DLGAP1: variants seen among roughly 807,000 people sequenced by gnomAD.
DLGAP1 encodes DLG associated protein 1.
Under a neutral mutation model 90.8 loss-of-function variants are expected in DLGAP1, and 11 were observed. The ratio of observed to expected loss-of-function variants is 0.12; its 90% CI spans 0.08 to 0.20. The LOEUF (loss-of-function observed/expected upper bound fraction) is 0.20, where lower values mean the gene tolerates loss of function less well. Among genes scored for constraint, DLGAP1 ranks in the 10% least tolerant of loss-of-function variants. The pLI is 1.00. For synonymous variants in DLGAP1, 558 were observed against 540.7 expected (o/e 1.03, Z -0.44); for missense variants, 1,050 against 1,333.8 (o/e 0.79, Z 3.31).
chr18:4,327,883 G>T (rs75684150), intron 1 of DLGAP1, among the ~76,000 whole-genome samples: 3,615 of 151,918 alleles, frequency 0.024, 148 homozygotes, highest in African/African-American at 0.083. Flanking sequence ...ATACCATGCC[G>T]ACATGTGTCA....
At chr18:4,384,845 T>C (rs2082198313) in intron 1 of DLGAP1, among the ~76,000 whole-genome samples, 1 of 152,130 alleles carries the variant, frequency 6.6e-6, no homozygotes, top group Non-Finnish European at 1.5e-5. Context: ...AACCCCAAAT[T>C]TTCCATTAAC....
Position 3,695,475 on chromosome 18 carries a change from CTTGT to C in DLGAP1, c.1591+33656_1591+33659del, listed in dbSNP as rs1401891701. On this transcript the variant is annotated intron_variant, in intron 7 of 12. Coordinates refer to ENST00000315677, the MANE Select transcript of DLGAP1 (RefSeq NM_004746.4). Reference sequence around the variant, plus strand: ...TAAACAGGGAATCCTTTCCCCATTGCTTGTTTTTGTCAGGTTTGTCAAAGATCAG... The same window carrying C: ...TAAACAGGGAATCCTTTCCCCATTGCTTTTGTCAGGTTTGTCAAAGATCAG... Among the ~76,000 whole-genome samples, 3 of 152,302 alleles carry C rather than the reference CTTGT, an allele frequency of 2.0e-5. No individual in the cohort carries two copies. The South Asian group carries it at 6.2e-4, about 32-fold the overall frequency.
At chr18:3,758,540 C>T (rs117995880) in intron 5 of DLGAP1, among the ~76,000 whole-genome samples, 201 of 152,322 alleles carry the variant, frequency 1.3e-3, no homozygotes, top group Non-Finnish European at 2.1e-3. Context: ...CTAATGCCTG[C>T]GCTCCAAATG....
At chr18:3,781,810 G>A (rs55680509) in intron 5 of DLGAP1, among the ~76,000 whole-genome samples, 50,464 of 152,020 alleles carry the variant, frequency 0.33, 8,563 homozygotes, top group African/African-American at 0.37. Flanking sequence ...ATTAAATAAA[G>A]TAGAAATTTT....
At chr18:4,218,760 C>T (rs1447955151) in intron 1 of DLGAP1, among the ~76,000 whole-genome samples, 1 of 151,508 alleles carries the variant, frequency 6.6e-6, no homozygotes, top group Non-Finnish European at 1.5e-5. Flanking sequence ...TAATATCCTC[C>T]AGGTTAAGGC....
At chr18:4,452,578 T>C (rs759319484) in intron 1 of DLGAP1, among the ~76,000 whole-genome samples, 10 of 152,196 alleles carry the variant, frequency 6.6e-5, no homozygotes, top group Non-Finnish European at 1.0e-4. Context: ...TTGGGTTGAA[T>C]AGGACACTTA....
chr18:3,521,071 A>G (rs979141225), intron 10 of DLGAP1, among the ~76,000 whole-genome samples: 1 of 152,120 alleles, frequency 6.6e-6, no homozygotes, highest in Non-Finnish European at 1.5e-5. Context: ...CACTTCCCTC[A>G]TTCCACTTTC....
chr18:3,649,683 T>G (rs747874056), intron 7 of DLGAP1, among the ~76,000 whole-genome samples: 50 of 152,236 alleles, frequency 3.3e-4, no homozygotes, highest in Middle Eastern at 6.8e-3. Context: ...CTGGTTGGCT[T>G]TCTGTTGCCT....
chr18:4,076,159 C>T (rs558889299), intron 2 of DLGAP1, among the ~76,000 whole-genome samples: 58 of 152,238 alleles, frequency 3.8e-4, no homozygotes, highest in African/African-American at 1.3e-3. Context: ...TAGTTTCCTC[C>T]CAATGTGCTG....
intron 4 of DLGAP1, among the ~76,000 whole-genome samples, chr18:3,855,656 C>T (rs1000994162): frequency 6.6e-6 from 1 of 152,000 alleles, no homozygotes; most frequent in Non-Finnish European, 1.5e-5. Flanking sequence ...CTCTGTCATC[C>T]AGGCTGGAGT....
At chr18:3,544,719 T>TTTTATTTATTTATTTATTTA (rs3072938) in intron 9 of DLGAP1, among the ~76,000 whole-genome samples, 3 of 143,108 alleles carry the variant, frequency 2.1e-5, no homozygotes, top group African/African-American at 7.7e-5. Context: ...TGTACTTTGC[T>TTTTATTTATTTATTTATTTA]TTTATTTATT....
At chr18:4,039,186 G>A (rs1395314543) in intron 2 of DLGAP1, among the ~76,000 whole-genome samples, 2 of 152,108 alleles carry the variant, frequency 1.3e-5, no homozygotes, top group Admixed American at 6.5e-5. Flanking sequence ...TAGAGAATAA[G>A]AGAATATTCA....
intron 3 of DLGAP1, among the ~76,000 whole-genome samples, chr18:3,894,082 T>C (rs1251573573): frequency 6.6e-6 from 1 of 152,176 alleles, no homozygotes; most frequent in African/African-American, 2.4e-5. Context: ...GTTTCTGAAA[T>C]TGTTGAGTTG....
intron 7 of DLGAP1, chr18:3,655,452 T>C (rs2059449638): frequency 6.6e-6 from 1 of 152,250 alleles, no homozygotes; most frequent in South Asian, 2.1e-4. Context: ...GTCTCTTTTG[T>C]ACTTTCCTTA....
intron 5 of DLGAP1, among the ~76,000 whole-genome samples, chr18:3,742,892 T>G (rs914538574): frequency 4.6e-5 from 7 of 152,218 alleles, no homozygotes; most frequent in Non-Finnish European, 8.8e-5. Context: ...GTTTTTGGAC[T>G]GTTTGGTAAC....
intron 3 of DLGAP1, among the ~76,000 whole-genome samples, chr18:3,981,859 T>C (rs2073738160): frequency 6.6e-6 from 1 of 152,226 alleles, no homozygotes; most frequent in Non-Finnish European, 1.5e-5. Context: ...ATCATCCTAA[T>C]CTAGTGATTC....
chr18:3,775,325 C>A lies in DLGAP1; in HGVS notation c.1173-32813G>T, dbSNP rs8085417. 0.53 allele frequency among the ~76,000 whole-genome samples: 80,731 copies of A among 152,014 alleles called. 22,146 individuals are homozygous for A. The highest frequency in any genetic ancestry group is 0.67 in the African/African-American group (27,569 of 41,450). ...TCAAATTGTCATCCTCACATGTTGG[C>A]GGAAGGGCCTGGTGGGAGGTGACTG... On this transcript the variant is annotated intron_variant, in intron 5 of 12. Transcript: ENST00000315677. The surrounding 1 kb of genome is among the most constrained non-coding windows in gnomAD (Gnocchi z 4.9).
Position 3,640,674 on chromosome 18 carries a change from G to A in DLGAP1, c.1592-58426C>T, listed in dbSNP as rs73940065. Among the ~76,000 whole-genome samples the A allele has an allele frequency of 5.0e-3, 759 of 152,320 alleles. 4 individuals are homozygous for A. The highest frequency in any genetic ancestry group is 0.017 in the African/African-American group (725 of 41,566). The stretch of plus-strand genomic sequence containing the variant: ...CAAATGAAAGATGTTTCCTAGCTGA[G>A]GGCCAAAGACGTGATGACCAATGCC... On this transcript the variant is annotated intron_variant, in intron 7 of 12. Coordinates refer to ENST00000315677, the MANE Select transcript of DLGAP1 (RefSeq NM_004746.4).
At chr18:4,332,824 T>C (rs935642449) in intron 1 of DLGAP1, among the ~76,000 whole-genome samples, 1 of 151,998 alleles carries the variant, frequency 6.6e-6, no homozygotes, top group Non-Finnish European at 1.5e-5. Flanking sequence ...CTCTCAGCTA[T>C]GCTGAAATTA....
Sources: allele counts gnomAD v4.1 joint callset (sites outside exome capture counted in the v4.1 genomes callset), GRCh38; gene constraint gnomAD v4.1.1; non-coding constraint Gnocchi (gnomAD v3.1); transcripts MANE v1.5; gene names NCBI Gene and HGNC (gene_info 2026-07-23, HGNC 2026-07-21).